GSE1: variants seen among roughly 807,000 people sequenced by gnomAD.
GSE1 encodes genetic suppressor element 1.
Under a neutral mutation model 112.6 loss-of-function variants are expected in GSE1, and 32 were observed. The observed-to-expected ratio is 0.28, with a 90% confidence interval of 0.21 to 0.38. GSE1 has a LOEUF of 0.38. Ranked by LOEUF, GSE1 falls within the 10% of genes least tolerant of loss-of-function variation. GSE1 has a pLI of 1.00. For missense variants in GSE1, 2,348 were observed against 1,699.2 expected (o/e 1.38, Z -6.71); for synonymous variants, 1,115 against 735.6 (o/e 1.52, Z -8.35).
chr16:85,327,180 A>T (rs1265986386), intron 1 of GSE1, among the ~76,000 whole-genome samples: 1 of 152,230 alleles, frequency 6.6e-6, no homozygotes, highest in Non-Finnish European at 1.5e-5. Flanking sequence ...CCCAAAAGAA[A>T]GAGCTGGATT....
At chr16:85,616,174 C>T (rs1382623100) in intron 1 of GSE1, among the ~76,000 whole-genome samples, 2 of 152,242 alleles carry the variant, frequency 1.3e-5, no homozygotes, top group African/African-American at 2.4e-5. Context: ...AGATTCCCCC[C>T]TTCCAACCCC....
Position 85,654,994 on chromosome 16 carries a change from GAGGCATCCCCCACGCGCCCTCTCGTCT to G in GSE1, c.797+7_797+33del. 5 of 1,560,102 alleles carry G rather than the reference GAGGCATCCCCCACGCGCCCTCTCGTCT, an allele frequency of 3.2e-6. No individual in the cohort carries two copies. The highest frequency in any genetic ancestry group is 1.3e-5 in the African/African-American group (1 of 74,262). The stretch of plus-strand genomic sequence containing the variant: ...CCCTTCCCCCACCCGGCCTTCAGGT[GAGGCATCCCCCACGCGCCCTCTCGTCT>G]AGGTGCTGGCCTGTTCCTGGCAAGA... On this transcript the variant is annotated splice_donor_5th_base_variant and intron_variant, in intron 5 of 15. Coordinates refer to ENST00000253458, the MANE Select transcript of GSE1 (RefSeq NM_014615.5).
intron 2 of GSE1, among the ~76,000 whole-genome samples, chr16:85,363,777 C>T (rs2047130505): frequency 1.4e-5 from 2 of 146,632 alleles, no homozygotes; most frequent in Admixed American, 1.4e-4. Flanking sequence ...TGGTCTGGGA[C>T]AGTGGGTGGG....
chr16:85,642,137 G>C (rs370751338), intron 2 of GSE1, among the ~76,000 whole-genome samples: 2 of 152,210 alleles, frequency 1.3e-5, no homozygotes, highest in Non-Finnish European at 1.5e-5. Flanking sequence ...AGTGGACTCT[G>C]CCCAGAGCTT....
At chr16:85,648,862 C>T (rs1041399934) in intron 3 of GSE1, 111 bp downstream of exon 3, 11 of 578,970 alleles carry the variant, frequency 1.9e-5, no homozygotes, top group African/African-American at 1.8e-4. Context: ...CCAGACACCC[C>T]CTCCCCCACC....
chr16:85,225,453 G>T (rs571576870), intron 1 of GSE1, among the ~76,000 whole-genome samples: 11 of 152,322 alleles, frequency 7.2e-5, no homozygotes, highest in South Asian at 2.1e-4. Flanking sequence ...GGGGCTTTGT[G>T]GGGGGTAGGG....
chr16:85,241,146 T>TAGCTGCGTGACCTTGGGCTC (rs1905133559), intron 1 of GSE1, among the ~76,000 whole-genome samples: 1 of 151,674 alleles, frequency 6.6e-6, no homozygotes, highest in Admixed American at 6.6e-5. Context: ...TGATACTTCC[T>TAGCTGCGTGACCTTGGGCTC]AGCTGCGTGA....
At chr16:85,352,091 G>T (rs529667509) in intron 1 of GSE1, among the ~76,000 whole-genome samples, 1 of 152,142 alleles carries the variant, frequency 6.6e-6, no homozygotes, top group Non-Finnish European at 1.5e-5. Context: ...CTGACCACAC[G>T]TGTGTGCATG....
At chr16:85,465,733 T>G (rs2050104790) in intron 2 of GSE1, among the ~76,000 whole-genome samples, 2 of 152,236 alleles carry the variant, frequency 1.3e-5, no homozygotes, top group African/African-American at 4.8e-5. Flanking sequence ...TTCATACATT[T>G]GTACCTATTT....
chr16:85,342,931 G>A (rs968571065), intron 1 of GSE1, among the ~76,000 whole-genome samples: 1 of 151,736 alleles, frequency 6.6e-6, no homozygotes, highest in Admixed American at 6.5e-5. Flanking sequence ...CGCTGAAAAG[G>A]GGGGCCAGCA....
In GSE1 at chr16:85,248,053, C is replaced by G. The variant is rs191230643; in HGVS notation, c.2283+76246C>G. The stretch of plus-strand genomic sequence containing the variant: ...CTTACTTAAGGCCTGCCTGGTGCCC[C>G]CAGCTCTGTCCACCTGCCTGTGGGG... On this transcript the variant is annotated intron_variant, in intron 1 of 2. Transcript: ENST00000637419. Among the ~76,000 whole-genome samples the G allele has an allele frequency of 3.9e-4, 59 of 152,356 alleles. 1 individual carries two copies. Among genetic ancestry groups the G allele is most frequent in the African/African-American group, 1.4e-3 (57 of 41,588 alleles).
intron 1 of GSE1, among the ~76,000 whole-genome samples, chr16:85,283,929 C>T (rs897848347): frequency 1.1e-4 from 17 of 152,354 alleles, no homozygotes; most frequent in East Asian, 5.8e-4. Context: ...CGCTCCACCA[C>T]GTCTCCCTCC....
At chr16:85,186,811 C>G (rs2074712642) in intron 1 of GSE1, among the ~76,000 whole-genome samples, 1 of 152,130 alleles carries the variant, frequency 6.6e-6, no homozygotes. Context: ...GTCTTCAAAT[C>G]AGTGAAATAC....
At chr16:85,497,249 G>A (rs919118895) in intron 2 of GSE1, among the ~76,000 whole-genome samples, 3 of 152,190 alleles carry the variant, frequency 2.0e-5, no homozygotes, top group East Asian at 1.9e-4. Flanking sequence ...TCCTGAAGGC[G>A]GAGTGGGTGG....
intron 2 of GSE1, among the ~76,000 whole-genome samples, chr16:85,384,191 T>C (rs1384306049): frequency 1.3e-5 from 2 of 152,110 alleles, no homozygotes; most frequent in Non-Finnish European, 2.9e-5. Context: ...CACGGACAGG[T>C]GACTGCCCAG....
chr16:85,438,596 T>TA (rs538527920), intron 2 of GSE1, among the ~76,000 whole-genome samples: 66 of 152,296 alleles, frequency 4.3e-4, no homozygotes, highest in African/African-American at 1.5e-3. Context: ...CCCATGCTCT[T>TA]ACAGCTCGGA....
intron 1 of GSE1, among the ~76,000 whole-genome samples, chr16:85,340,473 C>G (rs2046601467): frequency 6.6e-6 from 1 of 152,176 alleles, no homozygotes; most frequent in Non-Finnish European, 1.5e-5. Context: ...AACCCCATCT[C>G]TACTAAAAAT....
intron 1 of GSE1, among the ~76,000 whole-genome samples, chr16:85,267,211 G>C (rs887522671): frequency 1.3e-5 from 2 of 152,186 alleles, no homozygotes; most frequent in African/African-American, 4.8e-5. Context: ...GCCTGAGGCC[G>C]AGCCACATCC....
At chr16:85,349,230 G>A (rs1285154483) in intron 1 of GSE1, among the ~76,000 whole-genome samples, 3 of 152,160 alleles carry the variant, frequency 2.0e-5, no homozygotes, top group African/African-American at 7.2e-5. Context: ...CTGACCCGAA[G>A]CCTTATCATT....
Sources: gnomAD v4.1 joint callset for allele counts (sites outside exome capture counted in the v4.1 genomes callset) on GRCh38, gnomAD v4.1.1 for gene constraint, MANE v1.5 for transcripts, NCBI Gene and HGNC (gene_info 2026-07-23, HGNC 2026-07-21) for gene names.